Variants in USP25 observed in about 807,000 individuals in gnomAD.
USP25 encodes the protein ubiquitin carboxyl-terminal hydrolase 25.
USP25 carries 85 observed loss-of-function variants against 158.5 expected under a neutral mutation model. The ratio of observed to expected loss-of-function variants is 0.54; its 90% CI spans 0.45 to 0.64. USP25 has a LOEUF of 0.64. Ranked by LOEUF, USP25 falls within the 30% of genes least tolerant of loss-of-function variation. The pLI is 0.00. For missense variants in USP25, 1,242 were observed against 1,327.3 expected (o/e 0.94, Z 1.00); for synonymous variants, 464 against 460.4 (o/e 1.01, Z -0.10).
At chr21:15,737,421 A>T (rs1409910076) in intron 1 of USP25, among the ~76,000 whole-genome samples, 2 of 152,164 alleles carry the variant, frequency 1.3e-5, no homozygotes, top group Non-Finnish European at 2.9e-5. Context: ...TATTTTAAAT[A>T]ATAAACACAC....
At chr21:15,743,372 G>A (rs1601249924) in intron 1 of USP25, among the ~76,000 whole-genome samples, 1 of 152,146 alleles carries the variant, frequency 6.6e-6, no homozygotes, top group Non-Finnish European at 1.5e-5. Flanking sequence ...AATGAGGTAC[G>A]TGGACACCAG....
rs1281006177 is a variant in USP25, at chr21:15,833,532, G to C, written c.2178G>C (p.Glu726Asp). ...CGTCTCAGAAATTGAGAGAGTCAGA[G>C]ACTTCTGTGACAACAGGTTTGTCCA... Reference protein sequence around the residue: ...LLASQKLRESETSVTTAQAAG... With the variant: ...LLASQKLRESDTSVTTAQAAG... The change falls in exon 17 of 26, where the codon GAG (glutamate) becomes GAC (aspartate). Residue 726 changes from glutamate to aspartate, a missense_variant. Glu to Asp is a conservative substitution (Grantham distance 45). Coordinates refer to ENST00000400183, the MANE Select transcript of USP25 (RefSeq NM_001283041.3). 1 of 1,613,526 alleles carries C rather than the reference G, an allele frequency of 6.2e-7. No homozygotes were observed. Among genetic ancestry groups the C allele is most frequent in the South Asian group, 1.1e-5 (1 of 90,894 alleles).
intron 1 of USP25, among the ~76,000 whole-genome samples, chr21:15,758,073 TG>T (rs1349537579): frequency 6.6e-6 from 1 of 152,224 alleles, no homozygotes; most frequent in East Asian, 1.9e-4. Flanking sequence ...CAAAATCATT[TG>T]AAGTGCTTAT....
At chr21:15,853,199 C>A (rs1009979776) in intron 20 of USP25, among the ~76,000 whole-genome samples, 2 of 152,022 alleles carry the variant, frequency 1.3e-5, no homozygotes, top group Admixed American at 1.3e-4. Flanking sequence ...TATTTTGTAA[C>A]TTATATCACT....
At chr21:15,847,539 A>C in intron 18 of USP25, 124 bp from the exon 19 acceptor site, 2 of 624,022 alleles carry the variant, frequency 3.2e-6, no homozygotes, top group Non-Finnish European at 5.6e-6. Flanking sequence ...GGAACTTTTA[A>C]AAATAAGTCA....
intron 6 of USP25, among the ~76,000 whole-genome samples, chr21:15,804,459 T>G (rs1322144317): frequency 6.6e-6 from 1 of 151,580 alleles, no homozygotes; most frequent in Non-Finnish European, 1.5e-5. Context: ...AATAAATGAG[T>G]ATAAAATAAT....
At chr21:15,847,158 C>A (rs1434049447) in intron 18 of USP25, among the ~76,000 whole-genome samples, 8 of 151,926 alleles carry the variant, frequency 5.3e-5, no homozygotes. Context: ...AGGAAAAAAA[C>A]CCTACAAATT....
intron 19 of USP25, among the ~76,000 whole-genome samples, chr21:15,849,351 G>T (rs553547536): frequency 6.6e-6 from 1 of 152,288 alleles, no homozygotes; most frequent in East Asian, 1.9e-4. Context: ...AGGTTGTACA[G>T]TTCTGCAAGG....
rs574799025 is a variant in USP25, at chr21:15,826,991, A to G, written c.1481A>G (p.Gln494Arg). 35 of 1,613,698 alleles carry G rather than the reference A, an allele frequency of 2.2e-5. No individual in the cohort carries two copies. Among genetic ancestry groups the G allele is most frequent in the Non-Finnish European group, 3.0e-5 (35 of 1,180,016 alleles). ...SQTLPSTTEQ[Q>R]GALSSELPST... is the part of the protein sequence containing the mutation. ...CTTTGATACAGCACAACAGAACAAC[A>G]GGGAGCCCTATCTTCAGAACTGCCA... Residue 494 changes from glutamine (Q) to arginine (R), a missense_variant, in exon 14 of 26, where the codon CAG (glutamine) becomes CGG (arginine). Gln to Arg is a conservative substitution (Grantham distance 43). Coordinates refer to ENST00000400183, the MANE Select transcript of USP25 (RefSeq NM_001283041.3). The surrounding 1 kb of genome is among the most constrained non-coding windows in gnomAD (Gnocchi z 4.8).
At chr21:15,748,032 C>T (rs967870690) in intron 1 of USP25, among the ~76,000 whole-genome samples, 1 of 152,156 alleles carries the variant, frequency 6.6e-6, no homozygotes, top group Non-Finnish European at 1.5e-5. Context: ...AAGATAGTCT[C>T]ATTTATTGCC....
In USP25 at chr21:15,782,199, C is replaced by G. The variant is rs1041710598; in HGVS notation, c.392+4172C>G. ...GGCTAGTGTACATCTGTCCCTGGCT[C>G]TAGCTGGCCTGGAGGTGGCCCCACC... is the stretch of plus-strand genomic sequence containing the variant. On this transcript the variant is annotated intron_variant, in intron 4 of 25. Transcript: ENST00000400183. 2.6e-5 allele frequency among the ~76,000 whole-genome samples: 4 copies of G among 152,198 alleles called. 1 individual carries two copies. The highest frequency in any genetic ancestry group is 9.6e-5 in the African/African-American group (4 of 41,468).
intron 20 of USP25, among the ~76,000 whole-genome samples, chr21:15,853,855 C>T (rs967287790): frequency 3.3e-5 from 5 of 152,046 alleles, no homozygotes; most frequent in African/African-American, 1.2e-4. Context: ...TTAGAACTCA[C>T]TCGTAAGATC....
rs1395558794 is a variant in USP25, at chr21:15,877,979, C to T, written c.3193C>T (p.Gln1065Ter). 6.2e-7 allele frequency: 1 copy of T among 1,608,470 alleles called. No homozygotes were observed. The highest frequency in any genetic ancestry group is 8.5e-7 in the Non-Finnish European group (1 of 1,177,624). Residue 1065 changes from glutamine to a stop codon, truncating the protein, a stop_gained, in exon 25 of 26, where the codon CAA becomes TAA. Coordinates refer to ENST00000400183, the MANE Select transcript of USP25 (RefSeq NM_001283041.3). LOFTEE classifies it high-confidence loss of function. ...AAATCGATGGTGTTCCTACCTTGGT[C>T]AAGAAATGGAACGTAAGTTTAAACA... ...MRNRWCSYLG[Q>*]EMEPHLQEKL...
intron 20 of USP25, among the ~76,000 whole-genome samples, chr21:15,863,119 AT>A (rs1171029672): frequency 6.6e-6 from 1 of 152,066 alleles, no homozygotes; most frequent in African/African-American, 2.4e-5. Flanking sequence ...AAAAAGCTTT[AT>A]CTTAATCATA....
At position 15,794,843 on chromosome 21, in the gene USP25, A is replaced by G. The variant is rs147765709; in HGVS notation, c.555+3179A>G. Among the ~76,000 whole-genome samples the G allele has an allele frequency of 6.6e-3, 1,008 of 151,664 alleles. 14 individuals carry two copies. Among genetic ancestry groups the G allele is most frequent in the African/African-American group, 0.023 (961 of 41,452 alleles). ...ATAATACAGGGTCTGGCACATTGGA[A>G]TAGCCCATCAAGTAATTATTGCATG... On this transcript the variant is annotated intron_variant, in intron 5 of 25. Coordinates refer to ENST00000400183, the MANE Select transcript of USP25 (RefSeq NM_001283041.3).
chr21:15,860,930 C>CAT (rs1180341860), intron 20 of USP25, among the ~76,000 whole-genome samples: 5 of 148,618 alleles, frequency 3.4e-5, no homozygotes, highest in Admixed American at 1.4e-4. Flanking sequence ...CACATACTCA[C>CAT]ATATATATAT....
At chr21:15,781,188 G>A (rs2034942513) in intron 4 of USP25, among the ~76,000 whole-genome samples, 1 of 152,210 alleles carries the variant, frequency 6.6e-6, no homozygotes, top group Admixed American at 6.5e-5. Context: ...CACACCCCAT[G>A]CAATGTGGGC....
At chr21:15,828,362 T>A (rs1332336792) in intron 14 of USP25, among the ~76,000 whole-genome samples, 1 of 152,202 alleles carries the variant, frequency 6.6e-6, no homozygotes, top group Admixed American at 6.5e-5. Flanking sequence ...AAGATTACAT[T>A]CAGAGGAGTG....
intron 1 of USP25, among the ~76,000 whole-genome samples, chr21:15,757,223 C>T (rs529296159): frequency 6.6e-6 from 1 of 152,292 alleles, no homozygotes; most frequent in East Asian, 1.9e-4. Context: ...GGTGGCTTCT[C>T]TAACTTAAAC....
Sources: allele counts gnomAD v4.1 joint callset (sites outside exome capture counted in the v4.1 genomes callset), GRCh38; gene constraint gnomAD v4.1.1; non-coding constraint Gnocchi (gnomAD v3.1); transcripts MANE v1.5; gene names NCBI Gene and HGNC (gene_info 2026-07-23, HGNC 2026-07-21).